Variants in RYR3 observed in about 807,000 individuals in gnomAD.
The protein encoded by RYR3 is brain ryanodine receptor-calcium release channel.
A neutral mutation model predicts 584.3 loss-of-function variants in RYR3; 207 were observed. That is an observed-to-expected ratio of 0.35 (90% confidence interval 0.32 to 0.40). The LOEUF (loss-of-function observed/expected upper bound fraction) is 0.40. RYR3 is among the 10% of genes least tolerant of loss of function. The pLI, the probability that RYR3 is intolerant of heterozygous loss-of-function variation, is 1.00. For missense variants in RYR3, 5,616 were observed against 6,089.2 expected (o/e 0.92, Z 2.59); for synonymous variants, 2,416 against 2,248.5 (o/e 1.07, Z -2.11).
intron 23 of RYR3, among the ~76,000 whole-genome samples, chr15:33,631,545 C>T (rs2061266790): frequency 6.6e-6 from 1 of 152,154 alleles, no homozygotes; most frequent in Admixed American, 6.5e-5. Context: ...GCCAGGAGGT[C>T]AGATGGATGC....
chr15:33,661,102 T>C (rs569587864), intron 34 of RYR3, among the ~76,000 whole-genome samples: 21 of 152,222 alleles, frequency 1.4e-4, no homozygotes, highest in African/African-American at 3.4e-4. Flanking sequence ...AGGTGTCCCA[T>C]TGGGTCACGA....
chr15:33,467,033 T>C (rs2048547672), intron 1 of RYR3, among the ~76,000 whole-genome samples: 1 of 152,234 alleles, frequency 6.6e-6, no homozygotes, highest in African/African-American at 2.4e-5. Flanking sequence ...TTATTTTTCA[T>C]TTAAGAAAGG....
At chr15:33,546,598 T>C (rs941679165) in intron 8 of RYR3, among the ~76,000 whole-genome samples, 2 of 152,212 alleles carry the variant, frequency 1.3e-5, no homozygotes, top group Admixed American at 6.5e-5. Flanking sequence ...TTTATAAACA[T>C]TTATAAAAAA....
chr15:33,474,967 T>A (rs968847310), intron 2 of RYR3, among the ~76,000 whole-genome samples: 21 of 152,080 alleles, frequency 1.4e-4, no homozygotes, highest in Non-Finnish European at 2.5e-4. Flanking sequence ...ACAAGGAAAA[T>A]TTTTATCTTT....
Position 33,584,420 on chromosome 15 carries a change from C to G in RYR3, c.1599C>G (p.Asn533Lys), listed in dbSNP as rs753218366. 1.2e-5 allele frequency: 19 copies of G among 1,607,592 alleles called. No individual in the cohort carries two copies. The highest frequency in any genetic ancestry group is 1.5e-5 in the Non-Finnish European group (18 of 1,175,194). ...CTGCTCTCATTCGCGGAAACAGAAA[C>G]AATTGCGCTCAATTCTCCAATAACC... The part of the protein sequence containing the change: ...LLAALIRGNR[N>K]NCAQFSNNLD... The change falls in exon 15 of 104, where the codon AAC (asparagine) becomes AAG (lysine). Residue 533 changes from asparagine (N) to lysine (K), a missense_variant. By Grantham distance (94) the Asn-to-Lys change is moderately conservative (BLOSUM62 0). Coordinates refer to ENST00000634891, the MANE Select transcript of RYR3 (RefSeq NM_001036.6).
chr15:33,713,464 TA>T (rs757501619), intron 43 of RYR3, among the ~76,000 whole-genome samples: 17 of 151,470 alleles, frequency 1.1e-4, no homozygotes, highest in Admixed American at 3.9e-4. Context: ...CATGGTCATA[TA>T]GGGGGGTTAT....
intron 38 of RYR3, among the ~76,000 whole-genome samples, chr15:33,691,556 A>G (rs992646685): frequency 1.2e-4 from 18 of 152,036 alleles, no homozygotes; most frequent in African/African-American, 3.9e-4. Flanking sequence ...AGTTAACCAT[A>G]GTTTCTTATT....
intron 1 of RYR3, among the ~76,000 whole-genome samples, chr15:33,458,064 A>G (rs1024465088): frequency 6.6e-6 from 1 of 152,166 alleles, no homozygotes; most frequent in African/African-American, 2.4e-5. Context: ...TATGGTGTCA[A>G]CTTGACTGGG....
At chr15:33,793,308 G>A (rs1013911165) in intron 67 of RYR3, among the ~76,000 whole-genome samples, 1 of 152,248 alleles carries the variant, frequency 6.6e-6, no homozygotes, top group African/African-American at 2.4e-5. Flanking sequence ...ACGAGCTTTT[G>A]TGTAAGTTTC....
chr15:33,814,447 G>A (rs1390902037), intron 74 of RYR3, among the ~76,000 whole-genome samples: 1 of 152,192 alleles, frequency 6.6e-6, no homozygotes, highest in Non-Finnish European at 1.5e-5. Flanking sequence ...AAATAAATGT[G>A]TTTCTTTGGA....
chr15:33,459,924 G>A (rs967191772), intron 1 of RYR3, among the ~76,000 whole-genome samples: 21 of 151,922 alleles, frequency 1.4e-4, no homozygotes, highest in Admixed American at 1.4e-3. Context: ...ATGAGGATAT[G>A]GAACAAATTC....
chr15:33,725,976 C>CCCGCCA lies in RYR3; in HGVS notation c.6913-410_6913-409insCCGCCA, dbSNP rs1555427643. Among the ~76,000 whole-genome samples the CCCGCCA allele has an allele frequency of 1.7e-3, 53 of 31,504 alleles. 1 individual carries two copies. The highest frequency in any genetic ancestry group is 2.3e-3 in the Non-Finnish European group (38 of 16,866). The allele number at this position is 31,504 out of a possible 152,430, so 20.7% of individuals were successfully genotyped here. A position where few individuals can be genotyped will look rare whatever the true frequency, so the allele number is the denominator to read the frequency against. The stretch of plus-strand genomic sequence containing the variant: ...CAGAGCAAGACTCCATCCCCCCCCC[C>CCCGCCA]AAAAAAAAAAAAAAAAAAAAACAGA... On this transcript the variant is annotated intron_variant, in intron 45 of 103. Coordinates refer to ENST00000634891, the MANE Select transcript of RYR3 (RefSeq NM_001036.6).
chr15:33,622,778 T>C (rs1168823952), intron 19 of RYR3, among the ~76,000 whole-genome samples: 3 of 152,230 alleles, frequency 2.0e-5, no homozygotes, highest in Admixed American at 2.0e-4. Context: ...AAACTGGTTG[T>C]ATTTCCTCAT....
chr15:33,314,942 C>CAAA (rs1387450242), intron 1 of RYR3, among the ~76,000 whole-genome samples: 74 of 145,042 alleles, frequency 5.1e-4, no homozygotes, highest in Non-Finnish European at 8.5e-4. Flanking sequence ...AAAAAAAAAC[C>CAAA]AAAAAAAAAC....
At chr15:33,519,258 T>C (rs1051868651) in intron 3 of RYR3, among the ~76,000 whole-genome samples, 1 of 152,144 alleles carries the variant, frequency 6.6e-6, no homozygotes, top group Non-Finnish European at 1.5e-5. Flanking sequence ...TCACCACACA[T>C]AGATTTTGTA....
rs551099003 is a variant in RYR3, at chr15:33,763,641, C to G, written c.8706-5017C>G. Reference sequence around the variant, plus strand: ...GCCACAGTGGCTCATGCCTGTAAACCCAGCACTTTGGGGAGCCCAAGGCAG... The same window carrying G: ...GCCACAGTGGCTCATGCCTGTAAACGCAGCACTTTGGGGAGCCCAAGGCAG... On this transcript the variant is annotated intron_variant, in intron 60 of 103. Coordinates refer to ENST00000634891, the MANE Select transcript of RYR3 (RefSeq NM_001036.6). Among the ~76,000 whole-genome samples the G allele has an allele frequency of 9.2e-5, 14 of 152,066 alleles. No individual in the cohort carries two copies. The South Asian group carries it at 2.1e-3, about 23-fold the overall frequency.
intron 1 of RYR3, among the ~76,000 whole-genome samples, chr15:33,461,633 T>G (rs1011596456): frequency 1.3e-5 from 2 of 152,102 alleles, no homozygotes; most frequent in African/African-American, 2.4e-5. Flanking sequence ...AGAGGGGAAT[T>G]AAATAAGAAA....
intron 29 of RYR3, among the ~76,000 whole-genome samples, chr15:33,646,728 G>A (rs887493300): frequency 1.3e-5 from 2 of 152,226 alleles, no homozygotes; most frequent in African/African-American, 4.8e-5. Context: ...CATAATTAAG[G>A]CACCAATCAT....
intron 22 of RYR3, among the ~76,000 whole-genome samples, 174 bp from the exon 23 acceptor site, chr15:33,631,036 C>A (rs28696769): frequency 0.15 from 23,189 of 152,078 alleles, 2,209 homozygotes; most frequent in South Asian, 0.23. Context: ...GTGACAGAGA[C>A]ATATGGCTCA....
Sources: gnomAD v4.1 joint callset for allele counts (sites outside exome capture counted in the v4.1 genomes callset) on GRCh38, gnomAD v4.1.1 for gene constraint, MANE v1.5 for transcripts, NCBI Gene and HGNC (gene_info 2026-07-23, HGNC 2026-07-21) for gene names.